The following SCARA5 variants were observed in gnomAD, a reference collection of about 807,000 sequenced individuals.
SCARA5 encodes the protein scavenger receptor class A, member 5 (putative).
SCARA5 carries 45 observed loss-of-function variants against 46.3 expected under a neutral mutation model. The ratio of observed to expected loss-of-function variants is 0.97; its 90% CI spans 0.76 to 1.24. The LOEUF (loss-of-function observed/expected upper bound fraction) is 1.24, where lower values mean the gene tolerates loss of function less well. SCARA5 is among the 50% of genes most tolerant of loss of function. SCARA5 has a pLI of 0.00. For synonymous variants in SCARA5, 333 were observed against 306.5 expected, an observed-to-expected ratio of 1.09 and a Z score of -0.90; for missense variants, 680 against 689.0, an observed-to-expected ratio of 0.99 and a Z score of 0.15.
At chr8:27,917,477 G>A (rs1807481007) in intron 4 of SCARA5, among the ~76,000 whole-genome samples, 1 of 152,162 alleles carries the variant, frequency 6.6e-6, no homozygotes, top group African/African-American at 2.4e-5. Context: ...CCTGGAAAGT[G>A]CCTCAAATAC....
chr8:27,989,758 C>T (rs1309996149), intron 1 of SCARA5, among the ~76,000 whole-genome samples: 2 of 152,222 alleles, frequency 1.3e-5, no homozygotes, highest in African/African-American at 4.8e-5. Flanking sequence ...CAGTGGTGTC[C>T]AGTTCACTGG....
At chr8:27,913,615 G>A (rs900585917) in intron 4 of SCARA5, among the ~76,000 whole-genome samples, 5 of 152,014 alleles carry the variant, frequency 3.3e-5, no homozygotes, top group Non-Finnish European at 5.9e-5. Context: ...CTCCACCCTC[G>A]TCAGGTCCTT....
chr8:27,908,196 A>G (rs149275822), intron 5 of SCARA5, among the ~76,000 whole-genome samples: 95 of 150,308 alleles, frequency 6.3e-4, no homozygotes, highest in African/African-American at 2.3e-3. Flanking sequence ...TATTTAAGGA[A>G]AAAAAACACA....
intron 7 of SCARA5, among the ~76,000 whole-genome samples, chr8:27,886,614 G>C (rs1806899727): frequency 1.3e-5 from 2 of 152,172 alleles, no homozygotes; most frequent in South Asian, 4.1e-4. Context: ...GCTGAGCAAT[G>C]AGGCCACCTC....
intron 3 of SCARA5, among the ~76,000 whole-genome samples, chr8:27,962,925 C>T (rs1008320283): frequency 1.2e-4 from 18 of 152,312 alleles, no homozygotes; most frequent in Admixed American, 2.0e-4. Flanking sequence ...ATGATGACAA[C>T]GACCGAATGG....
At chr8:27,890,927 T>C (rs1212543098) in intron 7 of SCARA5, among the ~76,000 whole-genome samples, 1 of 151,980 alleles carries the variant, frequency 6.6e-6, no homozygotes, top group African/African-American at 2.4e-5. Context: ...TCCCGGCAGG[T>C]GTGGGTCTGA....
At chr8:27,901,751 C>T (rs531623091) in intron 7 of SCARA5, among the ~76,000 whole-genome samples, 1 of 152,304 alleles carries the variant, frequency 6.6e-6, no homozygotes, top group South Asian at 2.1e-4. Context: ...GCCCCAAGGT[C>T]CTTACATCTG....
At chr8:27,983,406 C>T (rs1010087231) in intron 2 of SCARA5, among the ~76,000 whole-genome samples, 1 of 152,206 alleles carries the variant, frequency 6.6e-6, no homozygotes, top group Non-Finnish European at 1.5e-5. Context: ...CTTGGATTCC[C>T]ACATGCCTCC....
chr8:27,918,035 C>T (rs1807491136), intron 4 of SCARA5, among the ~76,000 whole-genome samples: 2 of 152,280 alleles, frequency 1.3e-5, no homozygotes, highest in South Asian at 2.1e-4. Context: ...CAGTTATGTG[C>T]ACTGCACTCT....
intron 3 of SCARA5, among the ~76,000 whole-genome samples, chr8:27,930,072 C>A (rs1029852199): frequency 6.6e-6 from 1 of 152,186 alleles, no homozygotes; most frequent in African/African-American, 2.4e-5. Context: ...AGTATCACCG[C>A]TTCACAGGTG....
intron 6 of SCARA5, 37 bp downstream of exon 6, chr8:27,907,111 G>T: frequency 6.7e-7 from 1 of 1,496,290 alleles, no homozygotes; most frequent in Non-Finnish European, 9.3e-7. Context: ...GCCTGGGACT[G>T]GTGGTGAGGC....
At chr8:27,957,777 A>G (rs1808228629) in intron 3 of SCARA5, among the ~76,000 whole-genome samples, 1 of 152,248 alleles carries the variant, frequency 6.6e-6, no homozygotes, top group South Asian at 2.1e-4. Flanking sequence ...TAAGAATTAG[A>G]TGACACAATG....
At chr8:27,918,789 A>G (rs2129802100) in intron 4 of SCARA5, among the ~76,000 whole-genome samples, 1 of 150,510 alleles carries the variant, frequency 6.6e-6, no homozygotes, top group East Asian at 2.0e-4. Context: ...GAGGAAGAGG[A>G]GAAAGAGGAG....
At chr8:27,885,157 G>C (rs921806285) in intron 7 of SCARA5, among the ~76,000 whole-genome samples, 1 of 152,122 alleles carries the variant, frequency 6.6e-6, no homozygotes, top group African/African-American at 2.4e-5. Flanking sequence ...GGCAGGTACT[G>C]TCTTGGACAA....
At chr8:27,961,063 A>G (rs539470428) in intron 3 of SCARA5, among the ~76,000 whole-genome samples, 1 of 152,368 alleles carries the variant, frequency 6.6e-6, no homozygotes, top group South Asian at 2.1e-4. Flanking sequence ...ACCCTAGGTT[A>G]TGCTATCAAG....
At chr8:27,917,103 G>C (rs151298861) in intron 4 of SCARA5, among the ~76,000 whole-genome samples, 277 of 152,324 alleles carry the variant, frequency 1.8e-3, no homozygotes, top group African/African-American at 6.2e-3. Flanking sequence ...CCCAGTCCTA[G>C]AACTGTGAGC....
At chr8:27,938,834 G>A (rs777967244) in intron 3 of SCARA5, among the ~76,000 whole-genome samples, 22 of 152,018 alleles carry the variant, frequency 1.4e-4, no homozygotes, top group Non-Finnish European at 2.9e-4. Flanking sequence ...ACTCCTTTCT[G>A]GAACCTCATT....
At chr8:27,940,655 T>C (rs1264406230) in intron 3 of SCARA5, among the ~76,000 whole-genome samples, 4 of 110,800 alleles carry the variant, frequency 3.6e-5, no homozygotes, top group Non-Finnish European at 7.2e-5. Flanking sequence ...CCCATCCATT[T>C]GTCCATCCAT....
chr8:27,898,274 G>C (rs1004018618), intron 7 of SCARA5, among the ~76,000 whole-genome samples: 9 of 152,168 alleles, frequency 5.9e-5, no homozygotes, highest in African/African-American at 2.2e-4. Context: ...CCATGGAAGG[G>C]GTCACTGGGA....
Sources: allele counts gnomAD v4.1 joint callset (sites outside exome capture counted in the v4.1 genomes callset), GRCh38; gene constraint gnomAD v4.1.1; transcripts MANE v1.5; gene names NCBI Gene and HGNC (gene_info 2026-07-23, HGNC 2026-07-21).